Variants in ABI2 observed in about 807,000 individuals in gnomAD.
ABI2 encodes the protein abelson interactor 2.
A neutral mutation model predicts 59.2 loss-of-function variants in ABI2; 25 were observed. That is an observed-to-expected ratio of 0.42 (90% CI 0.31 to 0.59). The LOEUF (loss-of-function observed/expected upper bound fraction) is 0.59, where lower values mean the gene tolerates loss of function less well. Among genes scored for constraint, ABI2 ranks in the 20% least tolerant of loss-of-function variants. The pLI is 0.14. For missense variants in ABI2, 545 were observed against 681.8 expected, an observed-to-expected ratio of 0.80 and a Z score of 2.23; for synonymous variants, 213 against 235.5, an observed-to-expected ratio of 0.90 and a Z score of 0.87.
At chr2:203,356,702 C>T (rs2092140970) in intron 1 of ABI2, among the ~76,000 whole-genome samples, 1 of 152,110 alleles carries the variant, frequency 6.6e-6, no homozygotes, top group Non-Finnish European at 1.5e-5. Flanking sequence ...GATGATGTCT[C>T]ACCATGTTGC....
chr2:203,342,553 T>C (rs2080585275), intron 1 of ABI2, among the ~76,000 whole-genome samples: 1 of 16,600 alleles, frequency 6.0e-5, no homozygotes, highest in African/African-American at 1.1e-4. Flanking sequence ...CTCAAAACCT[T>C]TTATTTATTT....
intron 11 of ABI2, among the ~76,000 whole-genome samples, chr2:203,421,256 G>A (rs975891788): frequency 2.0e-5 from 3 of 152,136 alleles, no homozygotes; most frequent in African/African-American, 7.2e-5. Context: ...CTCAACCAAG[G>A]TAGTGGTGCT....
rs570917774 is a variant in ABI2 at position 203,370,200 on chromosome 2, C to T, written c.285+3156C>T. Among the ~76,000 whole-genome samples, 22 of 147,672 alleles carry T rather than the reference C, an allele frequency of 1.5e-4. No homozygotes were observed. The East Asian group carries it at 4.4e-3, about 29-fold the overall frequency. The stretch of plus-strand genomic sequence containing the variant: ...TCATTCTCCTATTCTCTCTCTCTCT[C>T]TCTCTCTCTCTCTCTCTCTCTCTCT... On this transcript the variant is annotated intron_variant, in intron 2 of 11. Coordinates refer to ENST00000261018, the MANE Select transcript of ABI2 (RefSeq NM_001375670.1).
At position 203,328,440 on chromosome 2, in the gene ABI2, C is replaced by A; in HGVS notation, c.-75C>A. The A allele has an allele frequency of 7.9e-7, 1 of 1,260,058 alleles. No homozygotes were observed. The highest frequency in any genetic ancestry group is 1.1e-6 in the Non-Finnish European group (1 of 892,624). 78.1% of individuals were successfully genotyped at this position (1,260,058 alleles called of 1,614,324 possible). A position where few individuals can be genotyped will look rare whatever the true frequency, so the allele number is the denominator to read the frequency against. ...TCGCCGCCGCTCCTCCTCTCCCGGTCCTGGGTTTCCTTGGCGCTGCGGCCG... is the reference window on the plus strand; with the variant it reads ...TCGCCGCCGCTCCTCCTCTCCCGGTACTGGGTTTCCTTGGCGCTGCGGCCG... On this transcript the variant is annotated 5_prime_UTR_variant, in exon 1 of 12. Transcript: ENST00000261018.
At chr2:203,354,345 A>G (rs537389767) in intron 1 of ABI2, among the ~76,000 whole-genome samples, 17 of 152,244 alleles carry the variant, frequency 1.1e-4, no homozygotes, top group African/African-American at 4.1e-4. Context: ...CACCCAGCCA[A>G]TTAGACTTCT....
At chr2:203,337,131 G>A (rs1038615368) in intron 1 of ABI2, among the ~76,000 whole-genome samples, 1 of 152,136 alleles carries the variant, frequency 6.6e-6, no homozygotes, top group Non-Finnish European at 1.5e-5. Flanking sequence ...GTACTGCAAA[G>A]TACTAGAAGT....
chr2:203,401,631 A>AT (rs1298664482), intron 8 of ABI2, among the ~76,000 whole-genome samples: 4 of 152,122 alleles, frequency 2.6e-5, no homozygotes, highest in Non-Finnish European at 5.9e-5. Context: ...TAAAAATAAG[A>AT]TATATTTTGA....
chr2:203,338,154 C>G (rs1257710756), intron 1 of ABI2, among the ~76,000 whole-genome samples: 3 of 152,194 alleles, frequency 2.0e-5, no homozygotes, highest in African/African-American at 7.2e-5. Context: ...ATAAAGGCAC[C>G]AGGTACACAA....
Position 203,398,749 on chromosome 2 carries a change from G to T in ABI2, c.1033+1782G>T, listed in dbSNP as rs12621896. On this transcript the variant is annotated intron_variant, in intron 8 of 11. Transcript: ENST00000261018. ...CCAGCTCCTGGTAAGCCCTTGATGT[G>T]TTTTTTTTCTCTAAAGTTGTGCCTT... Among the ~76,000 whole-genome samples the T allele has an allele frequency of 1.9e-4, 29 of 151,702 alleles. 1 individual carries two copies. In the East Asian group the frequency reaches 5.2e-3, roughly 27 times the overall value.
At chr2:203,409,983 T>C (rs2097587424) in intron 9 of ABI2, among the ~76,000 whole-genome samples, 1 of 152,162 alleles carries the variant, frequency 6.6e-6, no homozygotes, top group African/African-American at 2.4e-5. Flanking sequence ...GTTTTTTACT[T>C]TCTCTTTGGG....
At position 203,398,584 on chromosome 2, in the gene ABI2, C is replaced by G. The variant is rs533979591; in HGVS notation, c.1033+1617C>G. Among the ~76,000 whole-genome samples, 5 of 152,044 alleles carry G rather than the reference C, an allele frequency of 3.3e-5. No individual in the cohort carries two copies. The East Asian group carries it at 9.7e-4, about 29-fold the overall frequency. On this transcript the variant is annotated intron_variant, in intron 8 of 11. Coordinates refer to ENST00000261018, the MANE Select transcript of ABI2 (RefSeq NM_001375670.1). Reference sequence around the variant, plus strand: ...ATAACTTATGTACAGTAAAATTCACCCTTTATACCATATATGTTTGTGAGT... The same window carrying G: ...ATAACTTATGTACAGTAAAATTCACGCTTTATACCATATATGTTTGTGAGT...
chr2:203,422,250 G>A (rs2098248677), intron 11 of ABI2, among the ~76,000 whole-genome samples: 2 of 95,860 alleles, frequency 2.1e-5, no homozygotes, highest in South Asian at 8.6e-4. Context: ...AGTGAGCTGC[G>A]ATTGCACCAC....
chr2:203,332,059 C>T (rs1437799509), intron 1 of ABI2, among the ~76,000 whole-genome samples: 2 of 150,744 alleles, frequency 1.3e-5, no homozygotes, highest in African/African-American at 4.9e-5. Context: ...ACCCACCCAC[C>T]TCGGCCTCCC....
chr2:203,391,212 T>C (rs901499235), intron 5 of ABI2, 69 bp downstream of exon 5: 2 of 1,089,878 alleles, frequency 1.8e-6, no homozygotes, highest in Non-Finnish European at 2.5e-6. Flanking sequence ...ACAACATATT[T>C]AAATTATTTT....
At chr2:203,380,598 A>C (rs1000578730) in intron 3 of ABI2, among the ~76,000 whole-genome samples, 1 of 152,142 alleles carries the variant, frequency 6.6e-6, no homozygotes, top group Non-Finnish European at 1.5e-5. Flanking sequence ...CTTTGAATGA[A>C]TTATATTTGC....
intron 2 of ABI2, among the ~76,000 whole-genome samples, chr2:203,370,903 C>A (rs2095112795): frequency 6.6e-6 from 1 of 152,108 alleles, no homozygotes; most frequent in African/African-American, 2.4e-5. Context: ...CATTAGTATT[C>A]TTTTCTCTAT....
chr2:203,375,931 G>A (rs2095649022), intron 2 of ABI2: 1 of 597,216 alleles, frequency 1.7e-6, no homozygotes, highest in African/African-American at 1.9e-5. Flanking sequence ...TCTGCCCACA[G>A]GCAATACTGC....
rs564199870 is a variant in ABI2, at chr2:203,346,745, T to A, written c.117+18114T>A. 7.2e-5 allele frequency among the ~76,000 whole-genome samples: 11 copies of A among 152,322 alleles called. No individual in the cohort carries two copies. The East Asian group carries it at 2.1e-3, about 29-fold the overall frequency. On this transcript the variant is annotated intron_variant, in intron 1 of 11. Coordinates refer to ENST00000261018, the MANE Select transcript of ABI2 (RefSeq NM_001375670.1). The stretch of plus-strand genomic sequence containing the variant: ...TTTAAGGGAAGTGAATTAACTACTT[T>A]GAGAGAAATAGGAGAAAGAGCAGGG...
intron 1 of ABI2, chr2:203,342,292 G>A (rs370439901): frequency 2.1e-5 from 9 of 436,606 alleles, no homozygotes; most frequent in African/African-American, 8.2e-5. Context: ...AAGAATCTTC[G>A]TTGTAAATTT....
Sources: allele counts gnomAD v4.1 joint callset (sites outside exome capture counted in the v4.1 genomes callset), GRCh38; gene constraint gnomAD v4.1.1; transcripts MANE v1.5; gene names NCBI Gene and HGNC (gene_info 2026-07-23, HGNC 2026-07-21).